The following SHISA9 variants were observed in gnomAD, a reference collection of about 807,000 sequenced individuals.
SHISA9 encodes protein shisa-9.
SHISA9 carries 13 observed loss-of-function variants against 38.0 expected under a neutral mutation model. The ratio of observed to expected loss-of-function variants is 0.34; its 90% CI spans 0.22 to 0.54. SHISA9 has a LOEUF of 0.54. SHISA9 is among the 20% of genes least tolerant of loss of function. The pLI, the probability that SHISA9 is intolerant of heterozygous loss-of-function variation, is 0.91. For missense variants in SHISA9, 538 were observed against 575.8 expected (o/e 0.93, Z 0.67); for synonymous variants, 275 against 242.0 (o/e 1.14, Z -1.27).
the SHISA9 span, among the ~76,000 whole-genome samples, chr16:13,402,362 G>C: frequency 1.3e-5 from 2 of 152,144 alleles, no homozygotes; most frequent in African/African-American, 4.8e-5. Context: ...AGGGTACAAA[G>C]TTTCAACAAC....
intron 2 of SHISA9, among the ~76,000 whole-genome samples, chr16:13,003,880 TAATAATAATAAG>T (rs1167140850): frequency 4.1e-5 from 6 of 146,800 alleles, no homozygotes; most frequent in Non-Finnish European, 7.5e-5. Context: ...ATAATAATAA[TAATAATAATAAG>T]AAGAAGAAGA....
chr16:13,081,416 G>A (rs80216115), intron 2 of SHISA9, among the ~76,000 whole-genome samples: 15 of 152,262 alleles, frequency 9.9e-5, no homozygotes, highest in African/African-American at 3.4e-4. Context: ...CAGTCCTCAC[G>A]GCTACTGTGA....
At chr16:12,926,943 C>G (rs1179441737) in intron 2 of SHISA9, among the ~76,000 whole-genome samples, 1 of 152,070 alleles carries the variant, frequency 6.6e-6, no homozygotes, top group Non-Finnish European at 1.5e-5. Flanking sequence ...TCTACAAGGA[C>G]CACACTGCTT....
intron 2 of SHISA9, among the ~76,000 whole-genome samples, chr16:12,938,669 T>G (rs191469280): frequency 2.0e-5 from 3 of 151,824 alleles, no homozygotes; most frequent in Non-Finnish European, 2.9e-5. Flanking sequence ...AGCTAATTTT[T>G]TTTTTGTATT....
Position 13,090,485 on chromosome 16 carries a change from C to T in SHISA9, c.692-112909C>T, listed in dbSNP as rs553264477. Among the ~76,000 whole-genome samples, 11 of 152,170 alleles carry T rather than the reference C, an allele frequency of 7.2e-5. No individual in the cohort carries two copies. In the South Asian group the frequency reaches 1.7e-3, roughly 23 times the overall value. ...GACTTGCTTTATGAATCTGGGTGCT[C>T]CTGTATTGGGTGCATATATATTTAG... is the stretch of plus-strand genomic sequence containing the variant. On this transcript the variant is annotated intron_variant, in intron 2 of 4. Transcript: ENST00000558583.
At chr16:13,112,557 G>T (rs571967970) in intron 2 of SHISA9, among the ~76,000 whole-genome samples, 53 of 152,072 alleles carry the variant, frequency 3.5e-4, no homozygotes, top group African/African-American at 1.1e-3. Flanking sequence ...GAATCCCTGG[G>T]GTCAATTCTG....
intron 2 of SHISA9, among the ~76,000 whole-genome samples, chr16:13,161,035 ATAAT>A (rs2050590971): frequency 6.6e-6 from 1 of 152,192 alleles, no homozygotes; most frequent in African/African-American, 2.4e-5. Flanking sequence ...AGCTTTATAA[ATAAT>A]TTGCAGGAAA....
intron 2 of SHISA9, among the ~76,000 whole-genome samples, chr16:13,043,117 A>G (rs1049671822): frequency 6.6e-6 from 1 of 152,336 alleles, no homozygotes; most frequent in Non-Finnish European, 1.5e-5. Flanking sequence ...TCAAGGACCC[A>G]GGATGATGGA....
chr16:13,411,828 C>G, the SHISA9 span, among the ~76,000 whole-genome samples: 65 of 152,236 alleles, frequency 4.3e-4, no homozygotes, highest in African/African-American at 1.4e-3. Context: ...GAGGCCAGAG[C>G]CCAGATAAAA....
chr16:13,532,662 C>T, the SHISA9 span, among the ~76,000 whole-genome samples: 1 of 152,030 alleles, frequency 6.6e-6, no homozygotes, highest in Non-Finnish European at 1.5e-5. Context: ...GGGAAAGTGT[C>T]CCCCTTGCTT....
At chr16:13,120,876 C>T (rs2050203088) in intron 2 of SHISA9, among the ~76,000 whole-genome samples, 1 of 152,114 alleles carries the variant, frequency 6.6e-6, no homozygotes, top group African/African-American at 2.4e-5. Flanking sequence ...GCCCATTTTA[C>T]AGGTGGTCAG....
At chr16:13,419,311 G>A in the SHISA9 span, among the ~76,000 whole-genome samples, 158 of 152,284 alleles carry the variant, frequency 1.0e-3, 1 homozygote, top group African/African-American at 3.4e-3. Flanking sequence ...AAAGAACAGC[G>A]GGCCTCCTGG....
chr16:13,491,673 A>T, the SHISA9 span, among the ~76,000 whole-genome samples: 1 of 151,782 alleles, frequency 6.6e-6, no homozygotes, highest in African/African-American at 2.4e-5. Context: ...TATTCTTAGT[A>T]GAGTCGGGGT....
chr16:13,200,440 A>ACACACACACACACACACAGCAG (rs201359350), intron 2 of SHISA9, among the ~76,000 whole-genome samples: 1 of 150,036 alleles, frequency 6.7e-6, no homozygotes, highest in African/African-American at 2.5e-5. Context: ...ACACACACAC[A>ACACACACACACACACACAGCAG]CAGCAGCAGC....
chr16:13,520,149 G>T, the SHISA9 span, among the ~76,000 whole-genome samples: 15 of 152,160 alleles, frequency 9.9e-5, no homozygotes. Context: ...TGTCACCCAC[G>T]TGATGTGGGA....
the SHISA9 span, among the ~76,000 whole-genome samples, chr16:13,498,103 T>C: frequency 1.3e-5 from 2 of 152,034 alleles, no homozygotes; most frequent in African/African-American, 4.8e-5. Flanking sequence ...TTTAATGTAT[T>C]TAGCATATGA....
chr16:13,224,315 C>T (rs1257368132), intron 4 of SHISA9, among the ~76,000 whole-genome samples: 1 of 152,252 alleles, frequency 6.6e-6, no homozygotes, highest in African/African-American at 2.4e-5. Flanking sequence ...AAAGAGTATC[C>T]AGGTCTCTGC....
At chr16:13,343,686 G>A in the SHISA9 span, among the ~76,000 whole-genome samples, 1 of 152,136 alleles carries the variant, frequency 6.6e-6, no homozygotes, top group Non-Finnish European at 1.5e-5. Flanking sequence ...TTTCAGAATT[G>A]TAGTTCATTA....
the SHISA9 span, among the ~76,000 whole-genome samples, chr16:13,252,078 C>T: frequency 6.6e-6 from 1 of 152,230 alleles, no homozygotes; most frequent in Non-Finnish European, 1.5e-5. Context: ...CCCTCCTTTT[C>T]ACTCCATGTA....
Sources: allele counts gnomAD v4.1 joint callset (sites outside exome capture counted in the v4.1 genomes callset), GRCh38; gene constraint gnomAD v4.1.1; transcripts MANE v1.5; gene names NCBI Gene and HGNC (gene_info 2026-07-23, HGNC 2026-07-21).